ALKBH1: variants seen among roughly 807,000 people sequenced by gnomAD.
ALKBH1 encodes alkB homolog 1, histone H2A dioxygenase.
Under a neutral mutation model 36.6 loss-of-function variants are expected in ALKBH1, and 31 were observed. That is an observed-to-expected ratio of 0.85 (90% CI 0.64 to 1.14). The LOEUF (loss-of-function observed/expected upper bound fraction) is 1.14, where lower values mean the gene tolerates loss of function less well. Among genes scored for constraint, ALKBH1 ranks in the 50% most tolerant of loss-of-function variants. The pLI is 0.00. For synonymous variants in ALKBH1, 183 were observed against 186.6 expected (o/e 0.98, Z 0.16); for missense variants, 490 against 497.3 (o/e 0.99, Z 0.14).
chr14:77,683,402 T>G, intron 3 of ALKBH1: 1 of 776,522 alleles, frequency 1.3e-6, no homozygotes, highest in Non-Finnish European at 2.3e-6. Context: ...ATGTGCTCAA[T>G]GCGCACATTA....
At chr14:77,683,519 G>A in intron 3 of ALKBH1, 1 of 658,574 alleles carries the variant, frequency 1.5e-6, no homozygotes, top group Admixed American at 2.0e-5. Context: ...CAACATTTAT[G>A]GGCCATTCCT....
Position 77,697,252 on chromosome 14 carries a change from A to C in ALKBH1, c.293-2352T>G, listed in dbSNP as rs7148211. ...TTGAGAAGTAGCTCCAGGAGTTCAAAATCTGTGGGTGCTGCCAGGTGGCCC... is the reference window on the plus strand; with the variant it reads ...TTGAGAAGTAGCTCCAGGAGTTCAACATCTGTGGGTGCTGCCAGGTGGCCC... On this transcript the variant is annotated intron_variant, in intron 2 of 5. Coordinates refer to ENST00000216489, the MANE Select transcript of ALKBH1 (RefSeq NM_006020.3). The C allele has an allele frequency of 4.0e-3, 626 of 154,946 alleles. 3 individuals carry two copies. Among genetic ancestry groups the C allele is most frequent in the African/African-American group, 0.014 (597 of 41,616 alleles). 9.6% of individuals were successfully genotyped at this position (154,946 alleles called of 1,614,324 possible). A position where few individuals can be genotyped will look rare whatever the true frequency, so the allele number is the denominator to read the frequency against.
chr14:77,674,364 C>A, intron 5 of ALKBH1, 123 bp from the exon 6 acceptor site: 1 of 1,126,516 alleles, frequency 8.9e-7, no homozygotes, highest in Non-Finnish European at 1.2e-6. Context: ...TTATTGCTCC[C>A]AAATCCTCCT....
At chr14:77,704,254 G>A in intron 2 of ALKBH1, 115 bp downstream of exon 2, 3 of 777,500 alleles carry the variant, frequency 3.9e-6, no homozygotes, top group Non-Finnish European at 6.6e-6. Context: ...ACATTTATCT[G>A]TTTATTATGT....
chr14:77,684,085 C>T (rs1038367284), intron 3 of ALKBH1: 1 of 152,240 alleles, frequency 6.6e-6, no homozygotes, highest in African/African-American at 2.4e-5. Flanking sequence ...AATTACAGAA[C>T]CCACTTAATT....
intron 1 of ALKBH1, among the ~76,000 whole-genome samples, 192 bp from the exon 2 acceptor site, chr14:77,704,669 C>T (rs2080378724): frequency 6.6e-6 from 1 of 152,214 alleles, no homozygotes; most frequent in African/African-American, 2.4e-5. Flanking sequence ...AGCTCCTGAA[C>T]TCAAGTGATC....
At chr14:77,689,087 C>T (rs1445305825) in intron 3 of ALKBH1, among the ~76,000 whole-genome samples, 1 of 152,218 alleles carries the variant, frequency 6.6e-6, no homozygotes, top group Admixed American at 6.5e-5. Flanking sequence ...GCATTTCCCA[C>T]AAGGTATGCT....
chr14:77,702,947 G>T (rs1000080234), intron 2 of ALKBH1, among the ~76,000 whole-genome samples: 1 of 152,072 alleles, frequency 6.6e-6, no homozygotes, highest in Non-Finnish European at 1.5e-5. Flanking sequence ...TTGATGTCAG[G>T]AGTTCGAAAC....
At chr14:77,684,921 G>A (rs1221836920) in intron 3 of ALKBH1, among the ~76,000 whole-genome samples, 2 of 152,130 alleles carry the variant, frequency 1.3e-5, no homozygotes, top group African/African-American at 4.8e-5. Flanking sequence ...CAATAATGCT[G>A]CTTTGGAAAT....
Position 77,673,951 on chromosome 14 carries a change from C to T in ALKBH1, c.1031G>A (p.Arg344Gln), listed in dbSNP as rs752850405. ...ATTCTGGTCTGTGGCCAGGACCTGT[C>T]GGACAGTCATGTTAACACGAGCGGT... Reference protein sequence around the residue: ...LKTARVNMTVRQVLATDQNFP... With the variant: ...LKTARVNMTVQQVLATDQNFP... Residue 344 changes from arginine (R) to glutamine (Q), a missense_variant, in exon 6 of 6, where the codon CGA (arginine) becomes CAA (glutamine). Transcript: ENST00000216489. The T allele has an allele frequency of 1.3e-5, 21 of 1,614,046 alleles. No homozygotes were observed. The East Asian group carries it at 2.4e-4, about 19-fold the overall frequency.
chr14:77,679,803 G>C, intron 4 of ALKBH1, 77 bp downstream of exon 4: 1 of 1,077,120 alleles, frequency 9.3e-7, no homozygotes, highest in Non-Finnish European at 1.4e-6. Context: ...TCTTAAGCGT[G>C]GTTAGGAAGA....
At chr14:77,692,299 C>G (rs2080301481) in intron 3 of ALKBH1, among the ~76,000 whole-genome samples, 1 of 152,010 alleles carries the variant, frequency 6.6e-6, no homozygotes, top group African/African-American at 2.4e-5. Flanking sequence ...CACAGTCAGT[C>G]TGACTCCAGA....
chr14:77,684,371 T>C (rs1197192718), intron 3 of ALKBH1, among the ~76,000 whole-genome samples: 2 of 151,764 alleles, frequency 1.3e-5, no homozygotes, highest in Admixed American at 1.3e-4. Flanking sequence ...TCTTTTTCTT[T>C]TTTTTTTTAG....
chr14:77,697,174 AAG>A (rs1175497020), intron 2 of ALKBH1: 1 of 174,800 alleles, frequency 5.7e-6, no homozygotes, highest in Non-Finnish European at 1.2e-5. Context: ...GACGTGGTGG[AAG>A]AGTTGAATTC....
intron 3 of ALKBH1, among the ~76,000 whole-genome samples, chr14:77,691,107 T>A (rs2080294807): frequency 6.6e-6 from 1 of 152,172 alleles, no homozygotes; most frequent in Non-Finnish European, 1.5e-5. Context: ...GGCCTGCACA[T>A]AACTCTTGTA....
At chr14:77,688,937 G>T (rs1448596003) in intron 3 of ALKBH1, among the ~76,000 whole-genome samples, 3 of 122,712 alleles carry the variant, frequency 2.4e-5, no homozygotes, top group African/African-American at 6.7e-5. Flanking sequence ...TCCACTACCA[G>T]AGTTATTTTT....
intron 3 of ALKBH1, among the ~76,000 whole-genome samples, chr14:77,692,908 A>AAC (rs917699102): frequency 5.3e-5 from 7 of 133,158 alleles, no homozygotes; most frequent in African/African-American, 2.0e-4. Flanking sequence ...AGCTAATTAA[A>AAC]AAAAAAAATT....
At chr14:77,694,059 T>C (rs1019201326) in intron 3 of ALKBH1, among the ~76,000 whole-genome samples, 3 of 152,176 alleles carry the variant, frequency 2.0e-5, no homozygotes, top group Admixed American at 2.0e-4. Context: ...GGAATAATTA[T>C]TTCCTCCTCT....
Position 77,698,570 on chromosome 14 carries a change from C to A in ALKBH1, c.293-3670G>T, listed in dbSNP as rs977448887. 3.9e-5 allele frequency among the ~76,000 whole-genome samples: 6 copies of A among 152,318 alleles called. No individual in the cohort carries two copies. The South Asian group carries it at 1.0e-3, about 26-fold the overall frequency. ...AAGCATCATATATTAGTGTAATGTT[C>A]CCCTTGCAAAAGGATTTTAAAAACA... On this transcript the variant is annotated intron_variant, in intron 2 of 5. Transcript: ENST00000216489.
Sources: gnomAD v4.1 joint callset for allele counts (sites outside exome capture counted in the v4.1 genomes callset) on GRCh38, gnomAD v4.1.1 for gene constraint, MANE v1.5 for transcripts, NCBI Gene and HGNC (gene_info 2026-07-23, HGNC 2026-07-21) for gene names.